The following KIAA1549L variants were observed in gnomAD, a reference collection of about 807,000 sequenced individuals.
KIAA1549L encodes UPF0606 protein KIAA1549L.
In KIAA1549L, 88 loss-of-function variants were observed where a neutral mutation model predicts 160.7. The ratio of observed to expected loss-of-function variants is 0.55; its 90% confidence interval spans 0.46 to 0.65. The LOEUF is 0.65. Ranked by LOEUF, KIAA1549L falls within the 30% of genes least tolerant of loss-of-function variation. The pLI, the probability that KIAA1549L is intolerant of heterozygous loss-of-function variation, is 0.00. For missense variants in KIAA1549L, 2,258 were observed against 2,437.5 expected (o/e 0.93, Z 1.55); for synonymous variants, 950 against 976.7 (o/e 0.97, Z 0.51).
intron 8 of KIAA1549L, 133 bp from the exon 9 acceptor site, chr11:33,567,942 AG>A (rs1855105134): frequency 2.6e-6 from 2 of 763,398 alleles, no homozygotes; most frequent in Non-Finnish European, 4.0e-6. Context: ...AAGTGAGGTA[AG>A]GTTGGCCAAG....
In KIAA1549L at chr11:33,389,395, T is replaced by A. The variant is rs532983677; in HGVS notation, c.238+12506T>A. Among the ~76,000 whole-genome samples, 3 of 152,312 alleles carry A rather than the reference T, an allele frequency of 2.0e-5. No individual in the cohort carries two copies. In the East Asian group the frequency reaches 5.8e-4, roughly 29 times the overall value. On this transcript the variant is annotated intron_variant, in intron 1 of 20. Transcript: ENST00000658780. ...TGTTGAAAAGGGATGAATAAAAATA[T>A]CTCTAGATTTGTATCCTTCATTGTC...
chr11:33,461,852 G>A (rs560259912), intron 1 of KIAA1549L, among the ~76,000 whole-genome samples: 1 of 152,328 alleles, frequency 6.6e-6, no homozygotes, highest in East Asian at 1.9e-4. Context: ...GGATCACCCA[G>A]CTAGTGAGGA....
chr11:33,466,229 A>G (rs1208093390), intron 1 of KIAA1549L, among the ~76,000 whole-genome samples: 2 of 152,198 alleles, frequency 1.3e-5, no homozygotes, highest in Non-Finnish European at 2.9e-5. Context: ...CCATCTGACA[A>G]AGGGCTCATA....
intron 1 of KIAA1549L, among the ~76,000 whole-genome samples, chr11:33,446,757 G>A (rs77804351): frequency 0.01 from 1,535 of 152,108 alleles, 21 homozygotes; most frequent in African/African-American, 0.031. Flanking sequence ...CCACATGGGC[G>A]TCTTCATGGT....
intron 16 of KIAA1549L, among the ~76,000 whole-genome samples, chr11:33,620,634 C>T (rs995151487): frequency 2.6e-5 from 4 of 152,100 alleles, no homozygotes; most frequent in Non-Finnish European, 4.4e-5. Context: ...AAACTGAGGC[C>T]AGTTATATAA....
chr11:33,430,199 C>T (rs903966007), intron 1 of KIAA1549L, among the ~76,000 whole-genome samples: 3 of 136,968 alleles, frequency 2.2e-5, no homozygotes, highest in East Asian at 2.5e-4. Context: ...TCCCTTCTTT[C>T]CCTCCCTCTC....
chr11:33,464,085 T>C (rs1851994750), intron 1 of KIAA1549L, among the ~76,000 whole-genome samples: 1 of 152,204 alleles, frequency 6.6e-6, no homozygotes, highest in African/African-American at 2.4e-5. Flanking sequence ...GATATTATTA[T>C]CTCCTTTTCA....
At chr11:33,379,794 G>GT (rs1397170982) in intron 1 of KIAA1549L, among the ~76,000 whole-genome samples, 1 of 152,226 alleles carries the variant, frequency 6.6e-6, no homozygotes, top group Non-Finnish European at 1.5e-5. Flanking sequence ...ACAGTGCTTG[G>GT]TATACAGTAG....
chr11:33,573,033 A>C (rs1043363306), intron 9 of KIAA1549L, among the ~76,000 whole-genome samples: 1 of 152,286 alleles, frequency 6.6e-6, no homozygotes, highest in South Asian at 2.1e-4. Context: ...GAATTTCCCC[A>C]TTGAGCATTT....
chr11:33,462,035 AAG>A (rs1336142135), intron 1 of KIAA1549L, among the ~76,000 whole-genome samples: 1 of 152,218 alleles, frequency 6.6e-6, no homozygotes, highest in Non-Finnish European at 1.5e-5. Flanking sequence ...CTGACTTCCA[AAG>A]AGAGTGTGAA....
Position 33,667,977 on chromosome 11 carries a change from C to T in KIAA1549L, c.6264C>T (p.Pro2088=), listed in dbSNP as rs1852534826. The change falls in exon 21 of 21, where the codon CCC becomes CCT. Residue 2088 remains proline (P), a synonymous_variant. Transcript: ENST00000658780. The stretch of plus-strand genomic sequence containing the variant: ...ACAGCCAGCCAGCCAACCTGCACCC[C>T]AGCCTGGAGCAGGCCCCGGCGCCCT... The part of the protein sequence containing the change: ...RQYSQPANLH[P]SLEQAPAPST... The T allele has an allele frequency of 1.2e-6, 2 of 1,613,866 alleles. No individual in the cohort carries two copies. The highest frequency in any genetic ancestry group is 2.7e-5 in the African/African-American group (2 of 74,948).
intron 1 of KIAA1549L, among the ~76,000 whole-genome samples, chr11:33,467,340 G>A (rs189336748): frequency 6.6e-5 from 10 of 152,160 alleles, no homozygotes; most frequent in Admixed American, 3.3e-4. Flanking sequence ...TTAACAAGTA[G>A]GAAACAGAAC....
chr11:33,575,450 C>T (rs1157937525), intron 10 of KIAA1549L, among the ~76,000 whole-genome samples: 1 of 152,168 alleles, frequency 6.6e-6, no homozygotes, highest in Non-Finnish European at 1.5e-5. Flanking sequence ...TGAATACCCT[C>T]CCTTGTGGCA....
At position 33,645,934 on chromosome 11, in the gene KIAA1549L, G is replaced by A. The variant is rs774341461; in HGVS notation, c.5658G>A (p.Glu1886=). 1.9e-6 allele frequency: 3 copies of A among 1,613,184 alleles called. No homozygotes were observed. Among genetic ancestry groups the A allele is most frequent in the South Asian group, 2.2e-5 (2 of 90,942 alleles). Residue 1886 remains glutamate (E), a synonymous_variant, in exon 17 of 21, where the codon GAG becomes GAA. Coordinates refer to ENST00000658780, the MANE Select transcript of KIAA1549L (RefSeq NM_012194.3). ...YGSAQHLPYS[E]VVTSAPGTMT... ...CAGCCCAGCACCTGCCCTATTCGGA[G>A]GTGGTGACCAGCGCTCCGGGGACCA...
At chr11:33,536,957 G>A (rs1221046347) in intron 1 of KIAA1549L, among the ~76,000 whole-genome samples, 10 of 152,232 alleles carry the variant, frequency 6.6e-5, no homozygotes, top group Admixed American at 5.2e-4. Context: ...TCACCTGCTC[G>A]CATCCTCCCC....
At chr11:33,646,170 C>G in intron 17 of KIAA1549L, 134 bp downstream of exon 17, 1 of 679,752 alleles carries the variant, frequency 1.5e-6, no homozygotes, top group South Asian at 2.0e-5. Flanking sequence ...AGGCCCTCAT[C>G]CCATCATCCC....
At chr11:33,456,687 C>G (rs1449659691) in intron 1 of KIAA1549L, among the ~76,000 whole-genome samples, 2 of 152,246 alleles carry the variant, frequency 1.3e-5, no homozygotes, top group Non-Finnish European at 2.9e-5. Context: ...GCTGGGACTA[C>G]AGGCGTGAGC....
At chr11:33,575,046 T>C (rs185057927) in intron 10 of KIAA1549L, among the ~76,000 whole-genome samples, 173 bp downstream of exon 10, 2 of 152,350 alleles carry the variant, frequency 1.3e-5, no homozygotes, top group Admixed American at 1.3e-4. Flanking sequence ...ATAAGGGATA[T>C]GTTTTAGATA....
intron 1 of KIAA1549L, among the ~76,000 whole-genome samples, chr11:33,530,676 CCTT>C (rs2133149096): frequency 6.6e-6 from 1 of 151,862 alleles, no homozygotes; most frequent in African/African-American, 2.4e-5. Context: ...AAACAAGTGA[CCTT>C]CTGTGTGTGT....
Sources: allele counts gnomAD v4.1 joint callset (sites outside exome capture counted in the v4.1 genomes callset), GRCh38; gene constraint gnomAD v4.1.1; transcripts MANE v1.5; gene names NCBI Gene and HGNC (gene_info 2026-07-23, HGNC 2026-07-21).